DGKB: variants seen among roughly 807,000 people sequenced by gnomAD.
DGKB encodes diacylglycerol kinase beta.
DGKB carries 67 observed loss-of-function variants against 114.3 expected under a neutral mutation model. That is an observed-to-expected ratio of 0.59 (90% CI 0.48 to 0.72). The LOEUF (loss-of-function observed/expected upper bound fraction) is 0.72, where lower values mean the gene tolerates loss of function less well. Among genes scored for constraint, DGKB ranks in the 30% least tolerant of loss-of-function variants. The pLI is 0.00. For synonymous variants in DGKB, 398 were observed against 323.1 expected, an observed-to-expected ratio of 1.23 and a Z score of -2.49; for missense variants, 907 against 975.2, an observed-to-expected ratio of 0.93 and a Z score of 0.93.
At chr7:14,352,302 T>G (rs17718479) in intron 21 of DGKB, among the ~76,000 whole-genome samples, 1 of 152,028 alleles carries the variant, frequency 6.6e-6, no homozygotes, top group Non-Finnish European at 1.5e-5. Context: ...AATATTTTAG[T>G]TTTTAATCAT....
chr7:14,478,814 C>G (rs953307564), intron 20 of DGKB, among the ~76,000 whole-genome samples: 1 of 137,608 alleles, frequency 7.3e-6, no homozygotes. Context: ...AAAAAAAAAA[C>G]AACAACAAAG....
intron 25 of DGKB, among the ~76,000 whole-genome samples, chr7:14,150,713 C>CTT (rs1224593387): frequency 6.6e-6 from 1 of 152,052 alleles, no homozygotes; most frequent in Non-Finnish European, 1.5e-5. Context: ...CCAGAATGCA[C>CTT]TTAACTATGT....
intron 23 of DGKB, among the ~76,000 whole-genome samples, chr7:14,201,327 A>C (rs1281484654): frequency 6.6e-6 from 1 of 152,038 alleles, no homozygotes; most frequent in East Asian, 1.9e-4. Flanking sequence ...TTAGAATTTC[A>C]ATATATGAAT....
intron 23 of DGKB, among the ~76,000 whole-genome samples, chr7:14,217,590 C>T (rs369139702): frequency 3.3e-5 from 5 of 150,084 alleles, no homozygotes; most frequent in Admixed American, 2.0e-4. Context: ...ACCAGTTACA[C>T]GGGAAATTAA....
chr7:14,719,798 T>G (rs979206544), intron 5 of DGKB, among the ~76,000 whole-genome samples: 3 of 152,242 alleles, frequency 2.0e-5, no homozygotes, highest in African/African-American at 4.8e-5. Context: ...TTGGTGATGT[T>G]GTCACTAATA....
intron 21 of DGKB, among the ~76,000 whole-genome samples, chr7:14,457,939 T>C (rs1832519152): frequency 1.3e-5 from 2 of 152,184 alleles, no homozygotes; most frequent in African/African-American, 2.4e-5. Context: ...ACTTTGCCAG[T>C]ATGCTTAATA....
chr7:14,701,645 T>C (rs1267678338), intron 7 of DGKB, 36 bp downstream of exon 7: 3 of 1,498,452 alleles, frequency 2.0e-6, no homozygotes, highest in East Asian at 4.5e-5. Context: ...AGAAAATCTT[T>C]GAAGTTTTCA....
At chr7:14,571,677 A>G (rs764735619) in intron 20 of DGKB, among the ~76,000 whole-genome samples, 26 of 152,246 alleles carry the variant, frequency 1.7e-4, no homozygotes, top group Non-Finnish European at 3.5e-4. Context: ...CATGAGCGGA[A>G]GAGACGAAAG....
At chr7:14,450,071 T>C (rs1249605137) in intron 21 of DGKB, among the ~76,000 whole-genome samples, 3 of 151,970 alleles carry the variant, frequency 2.0e-5, no homozygotes, top group Admixed American at 1.3e-4. Context: ...GGATAAATTG[T>C]TCCCTGGGAT....
intron 23 of DGKB, among the ~76,000 whole-genome samples, chr7:14,268,625 T>C (rs1797859215): frequency 6.6e-6 from 1 of 152,212 alleles, no homozygotes; most frequent in South Asian, 2.1e-4. Flanking sequence ...TTAGAAGATG[T>C]AGATTCTTTG....
chr7:14,820,579 G>C (rs1039322356), intron 2 of DGKB, among the ~76,000 whole-genome samples: 1 of 152,074 alleles, frequency 6.6e-6, no homozygotes, highest in Non-Finnish European at 1.5e-5. Context: ...TTTTACATTA[G>C]CTAGGCTTAT....
intron 14 of DGKB, among the ~76,000 whole-genome samples, chr7:14,622,104 A>G (rs1045227231): frequency 1.3e-5 from 2 of 151,992 alleles, no homozygotes; most frequent in Non-Finnish European, 2.9e-5. Context: ...ACTCCACCAA[A>G]CTATCTTTTA....
At chr7:14,507,560 G>A (rs1214857474) in intron 20 of DGKB, among the ~76,000 whole-genome samples, 1 of 152,092 alleles carries the variant, frequency 6.6e-6, no homozygotes, top group Non-Finnish European at 1.5e-5. Flanking sequence ...ATTTCACAGT[G>A]TTCTCATTTT....
chr7:14,212,428 A>ATATTTACTCTCGTGTTTTGTGATTT (rs1788242543), intron 23 of DGKB, among the ~76,000 whole-genome samples: 1 of 63,444 alleles, frequency 1.6e-5, no homozygotes, highest in Non-Finnish European at 4.2e-5. Flanking sequence ...GTGTTTTGTG[A>ATATTTACTCTCGTGTTTTGTGATTT]TATTTACTCT....
intron 21 of DGKB, among the ~76,000 whole-genome samples, chr7:14,429,996 G>T (rs1828208337): frequency 6.6e-6 from 1 of 152,124 alleles, no homozygotes; most frequent in African/African-American, 2.4e-5. Context: ...AGCAAGTATT[G>T]GTGTGGCTTC....
At chr7:14,478,110 T>A in intron 21 of DGKB, 51 bp downstream of exon 21, 1 of 1,312,070 alleles carries the variant, frequency 7.6e-7, no homozygotes, top group South Asian at 1.3e-5. Flanking sequence ...GATCTTTTTA[T>A]GGCAAAATTC....
chr7:14,210,128 C>T (rs1787517707), intron 23 of DGKB, among the ~76,000 whole-genome samples: 1 of 152,072 alleles, frequency 6.6e-6, no homozygotes, highest in Non-Finnish European at 1.5e-5. Flanking sequence ...AAGGAAATTT[C>T]AATACAGCTT....
At chr7:14,585,949 C>G (rs961781469) in intron 17 of DGKB, among the ~76,000 whole-genome samples, 1 of 152,146 alleles carries the variant, frequency 6.6e-6, no homozygotes, top group Non-Finnish European at 1.5e-5. Flanking sequence ...GTTCTCCTGT[C>G]TCTCTTTGTG....
At chr7:14,512,627 A>G (rs1341981425) in intron 20 of DGKB, among the ~76,000 whole-genome samples, 1 of 152,118 alleles carries the variant, frequency 6.6e-6, no homozygotes, top group African/African-American at 2.4e-5. Flanking sequence ...CATTGAGAAA[A>G]CAAAGAAACT....
Sources: gnomAD v4.1 joint callset for allele counts (sites outside exome capture counted in the v4.1 genomes callset) on GRCh38, gnomAD v4.1.1 for gene constraint, MANE v1.5 for transcripts, NCBI Gene and HGNC (gene_info 2026-07-23, HGNC 2026-07-21) for gene names.